INTS1: variants seen among roughly 807,000 people sequenced by gnomAD.
INTS1 encodes integrator complex subunit 1.
Under a neutral mutation model 241.6 loss-of-function variants are expected in INTS1, and 137 were observed. That is an observed-to-expected ratio of 0.57 (90% confidence interval 0.49 to 0.65). The LOEUF (loss-of-function observed/expected upper bound fraction) is 0.65. Ranked by LOEUF, INTS1 falls within the 30% of genes least tolerant of loss-of-function variation. The pLI, the probability that INTS1 is intolerant of heterozygous loss-of-function variation, is 0.00. For synonymous variants in INTS1, 1,692 were observed against 1,337.8 expected, an observed-to-expected ratio of 1.26 and a Z score of -5.78; for missense variants, 3,073 against 3,032.2, an observed-to-expected ratio of 1.01 and a Z score of -0.32.
At position 1,470,918 on chromosome 7, in the gene INTS1, G is replaced by A. The variant is rs1212035378; in HGVS notation, c.6385C>T (p.Leu2129=). ...AAFLPTFMYC[L]GSQDFEVVQT... ...ACCACCTCAAAGTCCTGGCTGCCCA[G>A]GCAGTACATGAACGTGGGCAGGAAA... The change falls in exon 47 of 48, where the codon CTG becomes TTG. Residue 2129 remains leucine (L), a synonymous_variant. Coordinates refer to ENST00000404767, the MANE Select transcript of INTS1 (RefSeq NM_001080453.3). 2 of 1,584,440 alleles carry A rather than the reference G, an allele frequency of 1.3e-6. No homozygotes were observed. Among genetic ancestry groups the A allele is most frequent in the Non-Finnish European group, 1.7e-6 (2 of 1,166,290 alleles).
At position 1,483,515 on chromosome 7, in the gene INTS1, C is replaced by T. The variant is rs1001088699; in HGVS notation, c.3541+227G>A. 297 of 600,138 alleles carry T rather than the reference C, an allele frequency of 4.9e-4. 2 individuals are homozygous for T. In the East Asian group the frequency reaches 8.2e-3, roughly 16 times the overall value. The allele number at this position is 600,138 out of a possible 1,614,324, so 37.2% of individuals were successfully genotyped here. On this transcript the variant is annotated intron_variant, in intron 26 of 47. Transcript: ENST00000404767. ...GCCCTCCAGCTCAGGGCTCTACAGG[C>T]TGGGAGGTCCCACCACGTGGGGATC...
chr7:1,494,599 G>C, intron 14 of INTS1: 1 of 609,098 alleles, frequency 1.6e-6, no homozygotes, highest in Non-Finnish European at 2.9e-6. Context: ...GAGTCACGTG[G>C]ACGCAGACGG....
rs1047370038 is a variant in INTS1, at chr7:1,478,786, G to C, written c.4429C>G (p.Leu1477Val). 2.4e-5 allele frequency: 39 copies of C among 1,604,392 alleles called. No individual in the cohort carries two copies. Among genetic ancestry groups the C allele is most frequent in the Admixed American group, 3.4e-5 (2 of 59,202 alleles). ...LDSPGVEGGPLRAQLRMLASQ... is the reference protein window; with the variant it reads ...LDSPGVEGGPVRAQLRMLASQ... Reference sequence around the variant, plus strand: ...GCAAGCATCCTGAGCTGTGCCCGCAGGGGCCCGCCCTCCACGCCAGGGCTG... The same window carrying C: ...GCAAGCATCCTGAGCTGTGCCCGCACGGGCCCGCCCTCCACGCCAGGGCTG... Residue 1477 changes from leucine to valine, a missense_variant, in exon 32 of 48, where the codon CTG (leucine) becomes GTG (valine). Transcript: ENST00000404767.
chr7:1,486,034 C>G (rs1175679402), intron 22 of INTS1, among the ~76,000 whole-genome samples: 3 of 151,712 alleles, frequency 2.0e-5, no homozygotes, highest in Non-Finnish European at 4.4e-5. Flanking sequence ...CTCCTGGGCT[C>G]AAGTGATCCT....
At chr7:1,503,859 A>ACCCCCAAAGG (rs1562527406) in intron 2 of INTS1, 44 bp downstream of exon 2, 1 of 1,367,490 alleles carries the variant, frequency 7.3e-7, no homozygotes, top group Non-Finnish European at 1.0e-6. Flanking sequence ...ACCCCCAAAG[A>ACCCCCAAAGG]CCCCCAAAGA....
intron 31 of INTS1, 137 bp from the exon 32 acceptor site, chr7:1,479,022 G>A (rs1471824920): frequency 2.1e-5 from 21 of 986,704 alleles, no homozygotes; most frequent in East Asian, 1.1e-4. Flanking sequence ...ACCTCATCCC[G>A]CCTCCTGTCT....
At chr7:1,471,994 G>A (rs1214677587) in intron 44 of INTS1, among the ~76,000 whole-genome samples, 1 of 152,012 alleles carries the variant, frequency 6.6e-6, no homozygotes, top group Non-Finnish European at 1.5e-5. Context: ...TTGCCCACCC[G>A]CCTGACCTCT....
chr7:1,487,531 C>A, intron 19 of INTS1, 82 bp from the exon 20 acceptor site: 2 of 1,496,816 alleles, frequency 1.3e-6, no homozygotes, highest in South Asian at 2.5e-5. Context: ...ATCCCTGCTT[C>A]GAGGGGCAGC....
chr7:1,502,360 C>G (rs1562525488), intron 3 of INTS1, among the ~76,000 whole-genome samples: 1 of 152,122 alleles, frequency 6.6e-6, no homozygotes, highest in Non-Finnish European at 1.5e-5. Flanking sequence ...TCTAGGCACA[C>G]AGTTAAAGGC....
chr7:1,480,772 T>A, intron 29 of INTS1, 63 bp downstream of exon 29: 4 of 1,330,036 alleles, frequency 3.0e-6, no homozygotes, highest in Non-Finnish European at 4.2e-6. Flanking sequence ...AGGCTGGGTC[T>A]CTGTGTTGGC....
In INTS1 at chr7:1,474,464, G is replaced by A. The variant is rs897860880; in HGVS notation, c.5637-104C>T. ...TGCCCCGGGAGCCAGACCCCGTGCT[G>A]CCCCCCAACCACCCTCCTGCCCTAA... On this transcript the variant is annotated intron_variant, in intron 40 of 47. Transcript: ENST00000404767. The A allele has an allele frequency of 7.3e-6, 9 of 1,238,820 alleles. No homozygotes were observed. In the Admixed American group the frequency reaches 2.0e-4, roughly 28 times the overall value. The allele number at this position is 1,238,820 out of a possible 1,614,324, so 76.7% of individuals were successfully genotyped here.
At chr7:1,471,044 C>G in intron 46 of INTS1, 89 bp from the exon 47 acceptor site, 1 of 1,515,212 alleles carries the variant, frequency 6.6e-7, no homozygotes, top group Non-Finnish European at 8.9e-7. Flanking sequence ...CGCCTGGAAG[C>G]CTGGTCTGGC....
intron 11 of INTS1, 103 bp from the exon 12 acceptor site, chr7:1,496,367 G>A (rs553530536): frequency 8.5e-5 from 40 of 468,296 alleles, no homozygotes; most frequent in African/African-American, 6.5e-4. Context: ...AGGGACACCC[G>A]GGAGCCCCAC....
chr7:1,477,514 G>A, intron 35 of INTS1, 36 bp downstream of exon 35: 3 of 1,475,932 alleles, frequency 2.0e-6, no homozygotes, highest in Non-Finnish European at 2.7e-6. Flanking sequence ...CTTTACCCTG[G>A]GGTGGGTCCC....
Position 1,486,975 on chromosome 7 carries a change from CG to C in INTS1, c.2772del (p.Glu926ArgfsTer66), listed in dbSNP as rs1562502937. On this transcript the variant is annotated frameshift_variant, in exon 21 of 48. Transcript: ENST00000404767. LOFTEE classifies it high-confidence loss of function. ...LLHDAVDDAASGEEDDEGESK... is the reference protein window; with the variant it reads ...LLHDAVDDAAXGEEDDEGESK... Reference sequence around the variant, plus strand: ...CTCTCGCCCTCGTCGTCCTCCTCCCCGGAAGCAGCATCGTCCACAGCATCGT... The same window carrying C: ...CTCTCGCCCTCGTCGTCCTCCTCCCCGAAGCAGCATCGTCCACAGCATCGT... 6.2e-7 allele frequency: 1 copy of C among 1,608,148 alleles called. No homozygotes were observed. The highest frequency in any genetic ancestry group is 8.5e-7 in the Non-Finnish European group (1 of 1,179,262).
In INTS1 at chr7:1,494,912, G is replaced by A; in HGVS notation, c.1833-19C>T. 1.3e-6 allele frequency: 2 copies of A among 1,552,706 alleles called. No individual in the cohort carries two copies. The highest frequency in any genetic ancestry group is 1.7e-6 in the Non-Finnish European group (2 of 1,149,054). ...GTGCAGGCTGGGCAGGCAGAGAAGA[G>A]CCCTCAGTCATGATGTGGGTGCTCA... is the stretch of plus-strand genomic sequence containing the variant. On this transcript the variant is annotated intron_variant, in intron 13 of 47. Transcript: ENST00000404767.
At chr7:1,498,943 G>GGCCCCCCCCCCCC in intron 8 of INTS1, 32 bp downstream of exon 8, 1 of 1,070,742 alleles carries the variant, frequency 9.3e-7, no homozygotes, top group Non-Finnish European at 1.3e-6. Context: ...CCCACCCCCT[G>GGCCCCCCCCCCCC]CCCCGCCCAC....
At chr7:1,495,323 G>T (rs1020997692) in intron 13 of INTS1, 110 bp downstream of exon 13, 24 of 1,337,334 alleles carry the variant, frequency 1.8e-5, no homozygotes, top group Non-Finnish European at 2.1e-5. Context: ...GCTGTGCGGG[G>T]CCTGGCTTGT....
intron 41 of INTS1, among the ~76,000 whole-genome samples, 165 bp downstream of exon 41, chr7:1,474,003 C>A (rs188079372): frequency 1.3e-5 from 2 of 152,330 alleles, no homozygotes; most frequent in East Asian, 3.9e-4. Flanking sequence ...TGAGGGGCAG[C>A]AGGCAGGGGC....
Sources: allele counts gnomAD v4.1 joint callset (sites outside exome capture counted in the v4.1 genomes callset), GRCh38; gene constraint gnomAD v4.1.1; transcripts MANE v1.5; gene names NCBI Gene and HGNC (gene_info 2026-07-23, HGNC 2026-07-21).